Variants in SELP observed in about 807,000 individuals in gnomAD.
The protein encoded by SELP is P-selectin.
In SELP, 92 loss-of-function variants were observed where a neutral mutation model predicts 104.1. The ratio of observed to expected loss-of-function variants is 0.88; its 90% CI spans 0.75 to 1.05. SELP has a LOEUF of 1.05. Ranked by LOEUF, SELP falls within the 50% of genes least tolerant of loss-of-function variation. The probability of loss-of-function intolerance (pLI) is 0.00; values close to 1 mark genes in which losing one functional copy is unlikely to be tolerated. For missense variants in SELP, 1,022 were observed against 1,017.3 expected (o/e 1.00, Z -0.06); for synonymous variants, 397 against 364.5 (o/e 1.09, Z -1.01).
Position 169,630,122 on chromosome 1 carries a change from G to A in SELP, c.-48C>T, listed in dbSNP as rs1663564439. The A allele has an allele frequency of 6.2e-7, 1 of 1,613,812 alleles. No individual in the cohort carries two copies. The highest frequency in any genetic ancestry group is 1.3e-5 in the African/African-American group (1 of 75,026). ...TTCTGCCTTCTGCCCAACCCAGACT[G>A]CTTACAGTCTCACTGCCTCCCCTCA... is the stretch of plus-strand genomic sequence containing the variant. On this transcript the variant is annotated 5_prime_UTR_variant, in exon 1 of 17. Transcript: ENST00000263686.
At chr1:169,609,830 G>C in intron 7 of SELP, 141 bp from the exon 8 acceptor site, 1 of 750,278 alleles carries the variant, frequency 1.3e-6, no homozygotes, top group South Asian at 2.0e-5. Flanking sequence ...CCAAAAGAGA[G>C]ACTGCCTGGA....
Position 169,596,025 on chromosome 1 carries a change from AG to A in SELP, c.2000del (p.Thr667IlefsTer13). On this transcript the variant is annotated frameshift_variant, in exon 12 of 17. Coordinates refer to ENST00000263686, the MANE Select transcript of SELP (RefSeq NM_003005.4). LOFTEE classifies it high-confidence loss of function. ...HHPGTFGFNTTCYFGCNAGFT... is the reference protein window; with the variant it reads ...HHPGTFGFNTXCYFGCNAGFT... ...ATCCAGCGTTGCAGCCAAAGTAACA[AG>A]TGGTATTAAAACCAAAGGTTCCCGG... is the stretch of plus-strand genomic sequence containing the variant. The A allele has an allele frequency of 6.2e-7, 1 of 1,613,966 alleles. No homozygotes were observed. Among genetic ancestry groups the A allele is most frequent in the Non-Finnish European group, 8.5e-7 (1 of 1,179,866 alleles).
intron 9 of SELP, among the ~76,000 whole-genome samples, chr1:169,606,748 C>T (rs1411128280): frequency 1.3e-5 from 2 of 152,164 alleles, no homozygotes; most frequent in Admixed American, 1.3e-4. Context: ...GACATCCTGA[C>T]ACTTGTGTAA....
chr1:169,621,858 G>A (rs1663152572), intron 1 of SELP, among the ~76,000 whole-genome samples: 1 of 152,158 alleles, frequency 6.6e-6, no homozygotes, highest in Admixed American at 6.5e-5. Flanking sequence ...TAACCCCACT[G>A]CTTTCTCTGA....
At chr1:169,625,063 T>C (rs953531530) in intron 1 of SELP, among the ~76,000 whole-genome samples, 6 of 152,258 alleles carry the variant, frequency 3.9e-5, no homozygotes, top group Admixed American at 2.6e-4. Flanking sequence ...CTTCCTCTTA[T>C]AGCTAAACTT....
intron 1 of SELP, among the ~76,000 whole-genome samples, chr1:169,623,204 G>A (rs553769877): frequency 2.0e-5 from 3 of 152,156 alleles, no homozygotes; most frequent in African/African-American, 7.2e-5. Context: ...CAGACAGATT[G>A]CAGAAGGAGT....
chr1:169,627,174 T>A (rs1259528538), intron 1 of SELP, among the ~76,000 whole-genome samples: 1 of 152,216 alleles, frequency 6.6e-6, no homozygotes, highest in East Asian at 1.9e-4. Context: ...AAAGCCCAGA[T>A]GTTACAAGCT....
chr1:169,625,001 A>G (rs547634614), intron 1 of SELP, among the ~76,000 whole-genome samples: 2 of 152,172 alleles, frequency 1.3e-5, no homozygotes, highest in South Asian at 2.1e-4. Context: ...GAATCAAACA[A>G]TGTCCCTCCC....
chr1:169,616,563 A>G (rs1355365757), intron 3 of SELP, among the ~76,000 whole-genome samples: 3 of 152,222 alleles, frequency 2.0e-5, no homozygotes, highest in African/African-American at 7.2e-5. Flanking sequence ...CACAATGCCT[A>G]GAGCATACTG....
Position 169,603,131 on chromosome 1 carries a change from A to ATT in SELP, c.1598_1599dup (p.Ser534AsnfsTer100). ...TCGTCACAGATGAATTGACATGTGG[A>ATT]TTTATAACTGGAACTTCCAAGAGGT... On this transcript the variant is annotated frameshift_variant, in exon 10 of 17. Transcript: ENST00000263686. LOFTEE classifies it high-confidence loss of function. 1 of 1,614,080 alleles carries ATT rather than the reference A, an allele frequency of 6.2e-7. No homozygotes were observed. Among genetic ancestry groups the ATT allele is most frequent in the Non-Finnish European group, 8.5e-7 (1 of 1,179,984 alleles).
intron 10 of SELP, among the ~76,000 whole-genome samples, chr1:169,600,610 C>T (rs1661859665): frequency 6.6e-6 from 1 of 152,122 alleles, no homozygotes; most frequent in Admixed American, 6.5e-5. Flanking sequence ...GAAGAGACAG[C>T]TTGAGAACTC....
At chr1:169,616,511 T>A (rs946867544) in intron 3 of SELP, among the ~76,000 whole-genome samples, 3 of 152,200 alleles carry the variant, frequency 2.0e-5, no homozygotes, top group Non-Finnish European at 1.5e-5. Context: ...ATTTGACTAA[T>A]ATTAAATGAG....
chr1:169,597,407 A>C (rs571286847), intron 10 of SELP, among the ~76,000 whole-genome samples: 1 of 152,320 alleles, frequency 6.6e-6, no homozygotes, highest in African/African-American at 2.4e-5. Flanking sequence ...ACGAAGACAA[A>C]GAAGTCAAAG....
intron 11 of SELP, among the ~76,000 whole-genome samples, chr1:169,596,620 G>A (rs1476686314): frequency 6.6e-6 from 1 of 152,234 alleles, no homozygotes; most frequent in Non-Finnish European, 1.5e-5. Flanking sequence ...CATGTGGCAG[G>A]AAGATGATGA....
Position 169,595,988 on chromosome 1 carries a change from C to T in SELP, c.2038G>A (p.Gly680Arg), listed in dbSNP as rs1452361684. 6.2e-7 allele frequency: 1 copy of T among 1,613,884 alleles called. No homozygotes were observed. The highest frequency in any genetic ancestry group is 8.5e-7 in the Non-Finnish European group (1 of 1,179,840). ...GGTCTGCAGCTGAGAGTGCTGTCTCCTATGAGTGTGAATCCAGCGTTGCAG... is the reference window on the plus strand; with the variant it reads ...GGTCTGCAGCTGAGAGTGCTGTCTCTTATGAGTGTGAATCCAGCGTTGCAG... ...FGCNAGFTLI[G>R]DSTLSCRPSG... Residue 680 changes from glycine to arginine, a missense_variant, in exon 12 of 17, where the codon GGA (glycine) becomes AGA (arginine). Coordinates refer to ENST00000263686, the MANE Select transcript of SELP (RefSeq NM_003005.4).
chr1:169,592,823 C>T (rs904064137), intron 14 of SELP, among the ~76,000 whole-genome samples: 1 of 152,180 alleles, frequency 6.6e-6, no homozygotes, highest in East Asian at 1.9e-4. Context: ...CTGCCCCTAA[C>T]TTCATCTCCT....
At chr1:169,592,823 C>G (rs904064137) in intron 14 of SELP, among the ~76,000 whole-genome samples, 1 of 152,180 alleles carries the variant, frequency 6.6e-6, no homozygotes, top group Non-Finnish European at 1.5e-5. Context: ...CTGCCCCTAA[C>G]TTCATCTCCT....
chr1:169,602,426 G>A (rs1197316321), intron 10 of SELP, among the ~76,000 whole-genome samples: 1 of 152,194 alleles, frequency 6.6e-6, no homozygotes, highest in Non-Finnish European at 1.5e-5. Flanking sequence ...CTGTAAGGAA[G>A]TAAAACTTTC....
At chr1:169,609,433 A>G (rs1662377291) in intron 8 of SELP, 71 bp downstream of exon 8, 4 of 1,419,586 alleles carry the variant, frequency 2.8e-6, no homozygotes, top group Admixed American at 2.1e-5. Flanking sequence ...AGGCATGCCA[A>G]TGCTCAGTGC....
Sources: gnomAD v4.1 joint callset for allele counts (sites outside exome capture counted in the v4.1 genomes callset) on GRCh38, gnomAD v4.1.1 for gene constraint, MANE v1.5 for transcripts, NCBI Gene and HGNC (gene_info 2026-07-23, HGNC 2026-07-21) for gene names.